Variants in LMO1 observed in about 807,000 individuals in gnomAD.
The protein encoded by LMO1 is rhombotin-1.
LMO1 carries 10 observed loss-of-function variants against 18.0 expected under a neutral mutation model. That is an observed-to-expected ratio of 0.55 (90% CI 0.34 to 0.94). The LOEUF (loss-of-function observed/expected upper bound fraction) is 0.94, where lower values mean the gene tolerates loss of function less well. Ranked by LOEUF, LMO1 falls within the 40% of genes least tolerant of loss-of-function variation. The pLI is 0.02. For synonymous variants in LMO1, 77 were observed against 77.9 expected, an observed-to-expected ratio of 0.99 and a Z score of 0.06; for missense variants, 183 against 205.7, an observed-to-expected ratio of 0.89 and a Z score of 0.68.
intron 1 of LMO1, among the ~76,000 whole-genome samples, chr11:8,257,491 C>T (rs990382538): frequency 6.6e-6 from 1 of 152,224 alleles, no homozygotes; most frequent in Admixed American, 6.5e-5. Flanking sequence ...CACCCAAGCA[C>T]GTGGTCCGTG....
At chr11:8,230,044 C>A (rs1952624139) in intron 2 of LMO1, among the ~76,000 whole-genome samples, 2 of 152,222 alleles carry the variant, frequency 1.3e-5, no homozygotes, top group African/African-American at 4.8e-5. Context: ...AACTTAGGGG[C>A]CCCAGGTTAC....
At chr11:8,255,809 A>G (rs899464938) in intron 1 of LMO1, among the ~76,000 whole-genome samples, 1 of 145,734 alleles carries the variant, frequency 6.9e-6, no homozygotes, top group African/African-American at 2.5e-5. Context: ...CAGATAGCAC[A>G]ATGCCGCACT....
At chr11:8,268,720 G>A, upstream of LMO1, 1 of 230,618 alleles carries the variant, frequency 4.3e-6, no homozygotes, top group Non-Finnish European at 8.4e-6. Flanking sequence ...CCCGGGCCGG[G>A]CCGCAGCCGG....
upstream of LMO1, among the ~76,000 whole-genome samples, chr11:8,267,768 T>G: frequency 6.6e-6 from 1 of 152,164 alleles, no homozygotes; most frequent in Non-Finnish European, 1.5e-5. Flanking sequence ...AACCTGATAT[T>G]TTGGACTAGA....
chr11:8,230,620 G>T, intron 1 of LMO1, 116 bp from the exon 2 acceptor site: 1 of 1,082,964 alleles, frequency 9.2e-7, no homozygotes, highest in Non-Finnish European at 1.4e-6. Flanking sequence ...CTCTAGGTTT[G>T]GGGCTCCCAG....
At chr11:8,259,053 C>A (rs933951977) in intron 1 of LMO1, among the ~76,000 whole-genome samples, 1 of 152,228 alleles carries the variant, frequency 6.6e-6, no homozygotes, top group Non-Finnish European at 1.5e-5. Context: ...TCACCTTGTA[C>A]AGTCACTGGC....
chr11:8,225,605 A>G (rs1490403649), intron 3 of LMO1, among the ~76,000 whole-genome samples: 3 of 152,096 alleles, frequency 2.0e-5, no homozygotes, highest in Middle Eastern at 3.4e-3. Flanking sequence ...CTCCTCTCCT[A>G]CCGAAGGAAG....
At chr11:8,238,147 C>T (rs796607881) in intron 1 of LMO1, among the ~76,000 whole-genome samples, 7 of 152,252 alleles carry the variant, frequency 4.6e-5, no homozygotes, top group African/African-American at 1.4e-4. Context: ...TAGCCCCACA[C>T]TGAAAACAAC....
intron 1 of LMO1, among the ~76,000 whole-genome samples, chr11:8,262,680 C>A (rs1008047724): frequency 6.6e-6 from 1 of 152,258 alleles, no homozygotes; most frequent in African/African-American, 2.4e-5. Flanking sequence ...CTTTCTTCCT[C>A]TGGGCCAAAC....
At chr11:8,249,912 T>G (rs1490093509) in intron 1 of LMO1, among the ~76,000 whole-genome samples, 1 of 152,206 alleles carries the variant, frequency 6.6e-6, no homozygotes. Flanking sequence ...ACATCTACAT[T>G]TTGATAAAAA....
At chr11:8,257,696 G>C (rs906559488) in intron 1 of LMO1, among the ~76,000 whole-genome samples, 2 of 152,224 alleles carry the variant, frequency 1.3e-5, no homozygotes, top group East Asian at 1.9e-4. Context: ...CTTGCAAAGA[G>C]TGGTCCTAGA....
rs149491125 is a variant in LMO1 at position 8,247,838 on chromosome 11, C to T, written c.25+15500G>A. Among the ~76,000 whole-genome samples, 13 of 152,316 alleles carry T rather than the reference C, an allele frequency of 8.5e-5. No individual in the cohort carries two copies. In the East Asian group the frequency reaches 2.5e-3, roughly 29 times the overall value. ...ATTTCTCCCCCAAAGTTCTATGAGG[C>T]CCAGGGATGAGAAGACTTCTCAAGG... On this transcript the variant is annotated intron_variant, in intron 1 of 3. Transcript: ENST00000335790.
At chr11:8,228,855 C>T (rs1952598904) in intron 2 of LMO1, among the ~76,000 whole-genome samples, 1 of 152,018 alleles carries the variant, frequency 6.6e-6, no homozygotes, top group African/African-American at 2.4e-5. Flanking sequence ...ACATGGAGGC[C>T]CCTTCTAGGT....
At chr11:8,248,144 G>T (rs535796086) in intron 1 of LMO1, among the ~76,000 whole-genome samples, 2 of 152,348 alleles carry the variant, frequency 1.3e-5, no homozygotes, top group African/African-American at 4.8e-5. Context: ...CACAGTCCAT[G>T]CTTGTTACCT....
At chr11:8,267,539 A>T (rs1166669500), upstream of LMO1, among the ~76,000 whole-genome samples, 2 of 152,116 alleles carry the variant, frequency 1.3e-5, no homozygotes, top group East Asian at 3.9e-4. Flanking sequence ...CAGAGCTGTG[A>T]GTTCTTCCAA....
chr11:8,254,170 C>A (rs1035928572), intron 1 of LMO1, among the ~76,000 whole-genome samples: 11 of 152,162 alleles, frequency 7.2e-5, no homozygotes, highest in African/African-American at 2.7e-4. Context: ...AATTAGAAAT[C>A]AAGGCCTAGA....
intron 1 of LMO1, among the ~76,000 whole-genome samples, chr11:8,244,791 G>A (rs1846866905): frequency 6.6e-6 from 1 of 152,172 alleles, no homozygotes; most frequent in African/African-American, 2.4e-5. Flanking sequence ...TGAGAACCCT[G>A]GAAACCCCTC....
upstream of LMO1, chr11:8,264,018 G>T (rs959453430): frequency 4.4e-6 from 1 of 228,844 alleles, no homozygotes; most frequent in Non-Finnish European, 7.2e-6. Context: ...CTCGGTGAGC[G>T]TCTTTGCTCC....
At chr11:8,228,790 C>G (rs898719100) in intron 2 of LMO1, among the ~76,000 whole-genome samples, 7 of 152,166 alleles carry the variant, frequency 4.6e-5, no homozygotes, top group African/African-American at 1.7e-4. Context: ...AGATGGTCTG[C>G]CACATCGTCC....
Sources: gnomAD v4.1 joint callset for allele counts (sites outside exome capture counted in the v4.1 genomes callset) on GRCh38, gnomAD v4.1.1 for gene constraint, MANE v1.5 for transcripts, NCBI Gene and HGNC (gene_info 2026-07-23, HGNC 2026-07-21) for gene names.